Variants in GATM observed in about 807,000 individuals in gnomAD.
The protein encoded by GATM is glycine amidinotransferase.
GATM carries 23 observed loss-of-function variants against 54.2 expected under a neutral mutation model. The ratio of observed to expected loss-of-function variants is 0.42; its 90% CI spans 0.31 to 0.60. The LOEUF is 0.60. GATM is among the 20% of genes least tolerant of loss of function. The pLI is 0.14. For synonymous variants in GATM, 168 were observed against 183.1 expected (o/e 0.92, Z 0.67); for missense variants, 401 against 544.9 (o/e 0.74, Z 2.63).
rs1008212872 is a variant in GATM, at chr15:45,368,756, G to A, written c.485-496C>T. Among the ~76,000 whole-genome samples, 3 of 149,548 alleles carry A rather than the reference G, an allele frequency of 2.0e-5. No homozygotes were observed. Among genetic ancestry groups the A allele is most frequent in the Non-Finnish European group, 4.4e-5 (3 of 67,740 alleles). ...AGATTGTTAACATGAATTGTGTGGT[G>A]GGGGGGAAGCCCAGAAAAAAAAGAA... On this transcript the variant is annotated intron_variant, in intron 3 of 8. Coordinates refer to ENST00000396659, the MANE Select transcript of GATM (RefSeq NM_001482.3). This position sits in a 1 kb window ranked among gnomAD's most constrained non-coding sequence, Gnocchi z 5.1.
chr15:45,370,668 G>A (rs952320885), intron 2 of GATM, among the ~76,000 whole-genome samples: 2 of 152,132 alleles, frequency 1.3e-5, no homozygotes, highest in Non-Finnish European at 2.9e-5. Context: ...TATTTTAGAA[G>A]ACAACTAAAG....
chr15:45,378,556 C>G, upstream of GATM: 1 of 926,020 alleles, frequency 1.1e-6, no homozygotes, highest in Non-Finnish European at 1.5e-6. Context: ...GGCGGGCGCG[C>G]GGGGCCCGAG....
At chr15:45,364,089 A>G (rs78084265) in intron 7 of GATM, 73 bp from the exon 8 acceptor site, 1 of 859,676 alleles carries the variant, frequency 1.2e-6, no homozygotes, top group African/African-American at 1.6e-5. Context: ...CAAGTGAAGA[A>G]TATTAAAGTG....
chr15:45,383,502 C>T (rs1889769296), upstream of GATM, among the ~76,000 whole-genome samples: 1 of 152,076 alleles, frequency 6.6e-6, no homozygotes, highest in African/African-American at 2.4e-5. Context: ...TCTTCAAATA[C>T]CCTTCTGGAA....
intron 3 of GATM, among the ~76,000 whole-genome samples, 161 bp downstream of exon 3, chr15:45,369,165 T>C (rs1889496209): frequency 6.6e-6 from 1 of 152,216 alleles, no homozygotes; most frequent in Non-Finnish European, 1.5e-5. Context: ...ATCTTAATCA[T>C]ATCAACATGG....
At position 45,368,353 on chromosome 15, in the gene GATM, T is replaced by C. The variant is rs1233058860; in HGVS notation, c.485-93A>G. 2.8e-5 allele frequency: 30 copies of C among 1,085,252 alleles called. No homozygotes were observed. Among genetic ancestry groups the C allele is most frequent in the Non-Finnish European group, 3.6e-5 (26 of 723,324 alleles). 67.2% of individuals were successfully genotyped at this position (1,085,252 alleles called of 1,614,324 possible). On this transcript the variant is annotated intron_variant, in intron 3 of 8. Coordinates refer to ENST00000396659, the MANE Select transcript of GATM (RefSeq NM_001482.3). The surrounding 1 kb of genome is among the most constrained non-coding windows in gnomAD (Gnocchi z 5.1). ...AGGGCCAGGCACAGTGGCTCATGCC[T>C]GTAATCCCACCACTTTGGGAGGCCA...
intron 4 of GATM, 95 bp downstream of exon 4, chr15:45,367,975 C>A (rs1046504699): frequency 9.5e-6 from 10 of 1,053,586 alleles, no homozygotes; most frequent in Middle Eastern, 2.6e-4. Flanking sequence ...TTCTAAAATG[C>A]ATAATATATA....
At chr15:45,399,876 T>TAAAACAAA (rs200853065) in intron 1 of GATM, among the ~76,000 whole-genome samples, 3,459 of 152,244 alleles carry the variant, frequency 0.023, 147 homozygotes, top group African/African-American at 0.079. Flanking sequence ...AAATTTCTGG[T>TAAAACAAA]CAGATTAAAA....
chr15:45,382,045 T>A (rs981100152), upstream of GATM, among the ~76,000 whole-genome samples: 5 of 152,144 alleles, frequency 3.3e-5, no homozygotes, highest in African/African-American at 1.2e-4. Context: ...AAAAACATAT[T>A]TAAAAGACTG....
At chr15:45,372,328 C>A (rs28552543) in intron 2 of GATM, among the ~76,000 whole-genome samples, 1 of 152,194 alleles carries the variant, frequency 6.6e-6, no homozygotes, top group African/African-American at 2.4e-5. Flanking sequence ...CATTAATTAG[C>A]TCTTTTACTA....
At position 45,362,231 on chromosome 15, in the gene GATM, AAG is replaced by A. The variant is rs1208527401; in HGVS notation, c.1160-12_1160-11del. 5.3e-6 allele frequency: 8 copies of A among 1,508,550 alleles called. No individual in the cohort carries two copies. Among genetic ancestry groups the A allele is most frequent in the Non-Finnish European group, 7.4e-6 (8 of 1,084,100 alleles). 93.4% of individuals were successfully genotyped at this position (1,508,550 alleles called of 1,614,324 possible). On this transcript the variant is annotated splice_polypyrimidine_tract_variant and intron_variant, in intron 8 of 8. Coordinates refer to ENST00000396659, the MANE Select transcript of GATM (RefSeq NM_001482.3). ...TTAATGGTAGTGATACCTGCATTGA[AAG>A]AGAGATGAGGTCAGTTAGATGGACT...
chr15:45,382,283 G>T (rs1434500860), upstream of GATM, among the ~76,000 whole-genome samples: 1 of 152,138 alleles, frequency 6.6e-6, no homozygotes, highest in Non-Finnish European at 1.5e-5. Flanking sequence ...TCATCCCTGG[G>T]AACCTTGGCA....
chr15:45,369,523 TG>T lies in GATM; in HGVS notation c.289-3del. The stretch of plus-strand genomic sequence containing the variant: ...CCAGTACTTTTCATATGTGTTGGCC[TG>T]GAAGTAGAAGCAAATAAACACAATA... On this transcript the variant is annotated splice_region_variant and splice_polypyrimidine_tract_variant and intron_variant, in intron 2 of 8. Coordinates refer to ENST00000396659, the MANE Select transcript of GATM (RefSeq NM_001482.3). 6.2e-7 allele frequency: 1 copy of T among 1,613,572 alleles called. No homozygotes were observed. Among genetic ancestry groups the T allele is most frequent in the Non-Finnish European group, 8.5e-7 (1 of 1,179,574 alleles).
chr15:45,391,344 G>A lies in GATM; in HGVS notation c.-319+5578C>T, dbSNP rs181792575. 2.1e-3 allele frequency among the ~76,000 whole-genome samples: 318 copies of A among 152,146 alleles called. 1 individual carries two copies. The highest frequency in any genetic ancestry group is 1.5e-3 in the Non-Finnish European group (105 of 68,014). On this transcript the variant is annotated intron_variant, in intron 3 of 4. Transcript: ENST00000561148. ...GGAGAATTACTTGAACCCGGGAGGCGGAGGTTGCATTGAGCCAAGATCGTG... is the reference window on the plus strand; with the variant it reads ...GGAGAATTACTTGAACCCGGGAGGCAGAGGTTGCATTGAGCCAAGATCGTG...
At chr15:45,364,049 G>T (rs192074787) in intron 7 of GATM, 33 bp from the exon 8 acceptor site, 1 of 1,254,212 alleles carries the variant, frequency 8.0e-7, no homozygotes, top group Non-Finnish European at 1.2e-6. Context: ...AACCATGTCC[G>T]CTATCATTTT....
chr15:45,375,502 G>C lies in GATM; in HGVS notation c.288+1099C>G, dbSNP rs117944909. Among the ~76,000 whole-genome samples the C allele has an allele frequency of 6.4e-3, 981 of 152,334 alleles. 6 individuals are homozygous for C. The highest frequency in any genetic ancestry group is 0.01 in the Non-Finnish European group (709 of 68,030). ...ACTAAAGGGCACAGGAAGATGGATG[G>C]AAGAGACTTAGGTAGGGGCAAAGAT... On this transcript the variant is annotated intron_variant, in intron 2 of 8. Coordinates refer to ENST00000396659, the MANE Select transcript of GATM (RefSeq NM_001482.3).
Position 45,368,253 on chromosome 15 carries a change from G to A in GATM, c.492C>T (p.Tyr164=), listed in dbSNP as rs1889481568. 1 of 1,613,496 alleles carries A rather than the reference G, an allele frequency of 6.2e-7. No individual in the cohort carries two copies. The highest frequency in any genetic ancestry group is 1.3e-5 in the African/African-American group (1 of 74,896). ...TCAGGATGTCTCGAGGCATTGCACT[G>A]TATAAACCTGTCAGACCAAAAAATT... The part of the protein sequence containing the change: ...KTPDFESTGL[Y]SAMPRDILIV... Residue 164 remains tyrosine, a synonymous_variant, in exon 4 of 9, where the codon TAC becomes TAT. Transcript: ENST00000396659. This position sits in a 1 kb window ranked among gnomAD's most constrained non-coding sequence, Gnocchi z 5.1.
chr15:45,384,289 C>G (rs1459043915), intron 3 of GATM, among the ~76,000 whole-genome samples: 1 of 152,230 alleles, frequency 6.6e-6, no homozygotes, highest in East Asian at 1.9e-4. Context: ...TTATTTATAA[C>G]TGTCCTTCTT....
At chr15:45,363,751 T>A in intron 8 of GATM, 149 bp downstream of exon 8, 1 of 651,614 alleles carries the variant, frequency 1.5e-6, no homozygotes, top group Non-Finnish European at 2.8e-6. Flanking sequence ...ATAAAAATAC[T>A]GACTTTCTGT....
Sources: allele counts gnomAD v4.1 joint callset (sites outside exome capture counted in the v4.1 genomes callset), GRCh38; gene constraint gnomAD v4.1.1; non-coding constraint Gnocchi (gnomAD v3.1); transcripts MANE v1.5; gene names NCBI Gene and HGNC (gene_info 2026-07-23, HGNC 2026-07-21).